The following RNPS1 variants were observed in gnomAD, a reference collection of about 807,000 sequenced individuals.
RNPS1 encodes RNA-binding protein with serine-rich domain 1.
For synonymous variants in RNPS1, 147 were observed against 150.0 expected, an observed-to-expected ratio of 0.98 and a Z score of 0.15; for missense variants, 300 against 427.6, an observed-to-expected ratio of 0.70 and a Z score of 2.63.
chr16:2,260,872 T>C (rs1409119399), intron 6 of RNPS1, among the ~76,000 whole-genome samples: 1 of 152,228 alleles, frequency 6.6e-6, no homozygotes, highest in African/African-American at 2.4e-5. Context: ...GGCTCATGCC[T>C]GTAATCCCAG....
chr16:2,253,577 A>G lies in RNPS1; in HGVS notation c.*387T>C, dbSNP rs972178163. The G allele has an allele frequency of 2.0e-5, 7 of 343,964 alleles. No homozygotes were observed. Among genetic ancestry groups the G allele is most frequent in the African/African-American group, 1.5e-4 (7 of 45,570 alleles). 21.3% of individuals were successfully genotyped at this position (343,964 alleles called of 1,614,324 possible). A position where few individuals can be genotyped will look rare whatever the true frequency, so the allele number is the denominator to read the frequency against. ...GGGGCAGCTCCCTTTCCAAAAGGAC[A>G]CTGCCCAGCAACAGCAAGGGCACGG... is the stretch of plus-strand genomic sequence containing the variant. On this transcript the variant is annotated 3_prime_UTR_variant, in exon 8 of 8. Transcript: ENST00000320225.
At position 2,255,630 on chromosome 16, in the gene RNPS1, G is replaced by A; in HGVS notation, c.773C>T (p.Pro258Leu). 1 of 1,609,552 alleles carries A rather than the reference G, an allele frequency of 6.2e-7. No homozygotes were observed. Among genetic ancestry groups the A allele is most frequent in the Non-Finnish European group, 8.5e-7 (1 of 1,177,984 alleles). The change falls in exon 7 of 8, where the codon CCA (proline) becomes CTA (leucine). Residue 258 changes from proline (P) to leucine (L), a missense_variant. Coordinates refer to ENST00000320225, the MANE Select transcript of RNPS1 (RefSeq NM_080594.4). ...AGACCTGCGCCACATAGGCGGTGGT[G>A]GCAACATTCTCCTGGGAGGGCTGAA... The part of the protein sequence containing the change: ...RRFSPPRRML[P>L]PPPMWRRSPP...
intron 1 of RNPS1, 161 bp from the exon 2 acceptor site, chr16:2,264,921 C>T: frequency 4.9e-6 from 2 of 410,438 alleles, no homozygotes; most frequent in Non-Finnish European, 4.2e-6. Flanking sequence ...CCATGTGCTC[C>T]TGGAGGCGTC....
intron 6 of RNPS1, among the ~76,000 whole-genome samples, chr16:2,258,994 T>C (rs374864655): frequency 1.9e-4 from 29 of 150,318 alleles, no homozygotes; most frequent in East Asian, 6.0e-4. Context: ...ATAGTGGAGG[T>C]TGCCTGTAAT....
At chr16:2,261,940 C>T (rs1706287789) in intron 6 of RNPS1, among the ~76,000 whole-genome samples, 1 of 152,200 alleles carries the variant, frequency 6.6e-6, no homozygotes, top group Non-Finnish European at 1.5e-5. Context: ...CATAAATGTA[C>T]ACATATGTAT....
At chr16:2,255,825 G>A in intron 6 of RNPS1, 99 bp from the exon 7 acceptor site, 1 of 1,328,792 alleles carries the variant, frequency 7.5e-7, no homozygotes, top group South Asian at 1.3e-5. Context: ...CAATGACAAT[G>A]TAAGATAATC....
intron 6 of RNPS1, 40 bp from the exon 7 acceptor site, chr16:2,255,766 C>A (rs1305423364): frequency 1.2e-6 from 2 of 1,601,446 alleles, no homozygotes; most frequent in Non-Finnish European, 1.7e-6. Flanking sequence ...ATCTAACAAG[C>A]ATCTACCCTA....
intron 6 of RNPS1, among the ~76,000 whole-genome samples, chr16:2,259,399 G>C (rs559411447): frequency 2.0e-5 from 3 of 152,136 alleles, no homozygotes; most frequent in Non-Finnish European, 2.9e-5. Context: ...AACAAATTTC[G>C]TCAATTGTGT....
At chr16:2,266,935 T>A (rs1212963490) in intron 1 of RNPS1, 2 of 209,396 alleles carry the variant, frequency 9.6e-6, no homozygotes, top group African/African-American at 4.7e-5. Flanking sequence ...TTTCACATGC[T>A]TAGCAGCCAC....
chr16:2,267,717 TG>T, intron 1 of RNPS1: 3 of 1,246,564 alleles, frequency 2.4e-6, no homozygotes, highest in Non-Finnish European at 2.0e-6. Flanking sequence ...GGCCTGGCGT[TG>T]GGGGCTTGGG....
chr16:2,258,690 C>G (rs1212264938), intron 6 of RNPS1: 1 of 151,400 alleles, frequency 6.6e-6, no homozygotes, highest in Non-Finnish European at 1.5e-5. Flanking sequence ...CATGCCACTG[C>G]ACACCAGCGT....
In RNPS1 at chr16:2,263,410, G is replaced by A. The variant is rs149600501; in HGVS notation, c.228-123C>T. 2.4e-4 allele frequency: 213 copies of A among 888,456 alleles called. 2 individuals are homozygous for A. In the East Asian group the frequency reaches 5.1e-3, roughly 21 times the overall value. The allele number at this position is 888,456 out of a possible 1,614,324, so 55.0% of individuals were successfully genotyped here. A position where few individuals can be genotyped will look rare whatever the true frequency, so the allele number is the denominator to read the frequency against. On this transcript the variant is annotated intron_variant, in intron 3 of 7. Coordinates refer to ENST00000320225, the MANE Select transcript of RNPS1 (RefSeq NM_080594.4). ...TGTTCGGGTGCCTCCAGGCCTCACT[G>A]CTTTCAGCAGTGGGGAAAACATCAC...
chr16:2,264,595 T>G lies in RNPS1; in HGVS notation c.49A>C (p.Asn17His), dbSNP rs748608978. The G allele has an allele frequency of 6.2e-7, 1 of 1,613,496 alleles. No homozygotes were observed. Among genetic ancestry groups the G allele is most frequent in the Non-Finnish European group, 8.5e-7 (1 of 1,179,824 alleles). Residue 17 changes from asparagine (N) to histidine (H), a missense_variant, in exon 2 of 8, where the codon AAT (asparagine) becomes CAT (histidine). Physicochemically the swap from Asn to His is moderately conservative, Grantham distance 68. Coordinates refer to ENST00000320225, the MANE Select transcript of RNPS1 (RefSeq NM_080594.4). ...TACCTAGTGCTGGACTTTTTATTAT[T>G]TTCTTTGACTCCTAGCAAGCTCTTC... ...KKKSLLGVKE[N>H]NKKSSTRAPS...
Position 2,267,856 on chromosome 16 carries a change from A to C in RNPS1, c.-118+199T>G, listed in dbSNP as rs879270063. ...CGCCCTTCCGTCCGCAGCGGCCCCGACCACTTCCGGGCCACGGCCTCGACA... is the reference window on the plus strand; with the variant it reads ...CGCCCTTCCGTCCGCAGCGGCCCCGCCCACTTCCGGGCCACGGCCTCGACA... On this transcript the variant is annotated intron_variant, in intron 1 of 7. Transcript: ENST00000320225. 56 of 1,515,568 alleles carry C rather than the reference A, an allele frequency of 3.7e-5. No homozygotes were observed. The Middle Eastern group carries it at 9.4e-4, about 25-fold the overall frequency. The allele number at this position is 1,515,568 out of a possible 1,614,324, so 93.9% of individuals were successfully genotyped here.
intron 6 of RNPS1, among the ~76,000 whole-genome samples, chr16:2,259,536 T>G (rs1320533862): frequency 1.3e-5 from 2 of 152,202 alleles, no homozygotes; most frequent in African/African-American, 2.4e-5. Flanking sequence ...AAATACAGAT[T>G]TCTAATAACT....
At position 2,255,694 on chromosome 16, in the gene RNPS1, C is replaced by T; in HGVS notation, c.709G>A (p.Ala237Thr). 3 of 1,613,792 alleles carry T rather than the reference C, an allele frequency of 1.9e-6. No individual in the cohort carries two copies. The highest frequency in any genetic ancestry group is 1.7e-5 in the Admixed American group (1 of 60,008). ...QIDGQEITAT[A>T]VLAPWPRPPP... is the part of the protein sequence containing the mutation. ...GGCCTAGGCCAGGGGGCCAGCACGGCGGTGGCAGTGATCTCCTGGCCATCA... is the reference window on the plus strand; with the variant it reads ...GGCCTAGGCCAGGGGGCCAGCACGGTGGTGGCAGTGATCTCCTGGCCATCA... The change falls in exon 7 of 8, where the codon GCC (alanine) becomes ACC (threonine). Residue 237 changes from alanine to threonine, a missense_variant. Transcript: ENST00000320225.
intron 3 of RNPS1, 105 bp from the exon 4 acceptor site, chr16:2,263,392 G>A: frequency 8.8e-7 from 1 of 1,142,498 alleles, no homozygotes. Context: ...TGCTGTTCGG[G>A]TGCCTCCAGG....
In RNPS1 at chr16:2,264,295, A is replaced by G; in HGVS notation, c.108T>C (p.Asp36=). ...PSPTKRKDRS[D]EKSKDRSKDK... is the part of the protein sequence containing the mutation. ...CTTTTGAGCGATCCTTGGACTTCTC[A>G]TCTGAGCGGTCTTTGCGTTTGGTAG... The change falls in exon 3 of 8, where the codon GAT becomes GAC. Residue 36 remains aspartate, a synonymous_variant. Coordinates refer to ENST00000320225, the MANE Select transcript of RNPS1 (RefSeq NM_080594.4). The G allele has an allele frequency of 6.2e-7, 1 of 1,614,172 alleles. No homozygotes were observed. The highest frequency in any genetic ancestry group is 1.1e-5 in the South Asian group (1 of 91,090).
In RNPS1 at chr16:2,263,122, G is replaced by T. The variant is rs753971727; in HGVS notation, c.393C>A (p.His131Gln). The change falls in exon 4 of 8, where the codon CAC (histidine) becomes CAA (glutamine). Residue 131 changes from histidine to glutamine, a missense_variant. His to Gln is a conservative substitution (Grantham distance 24, BLOSUM62 0). Transcript: ENST00000320225. ...SGSPSPSRRR[H>Q]DNRRRSRSKS... The stretch of plus-strand genomic sequence containing the variant: ...TGGAGCGGGAGCGCCTCCTGTTGTC[G>T]TGTCTGCGCCGAGAAGGACTTGGAG... 2 of 1,613,032 alleles carry T rather than the reference G, an allele frequency of 1.2e-6. No homozygotes were observed. The highest frequency in any genetic ancestry group is 8.5e-7 in the Non-Finnish European group (1 of 1,179,856).
Sources: allele counts gnomAD v4.1 joint callset (sites outside exome capture counted in the v4.1 genomes callset), GRCh38; gene constraint gnomAD v4.1.1; transcripts MANE v1.5; gene names NCBI Gene and HGNC (gene_info 2026-07-23, HGNC 2026-07-21).